The following TNKS variants were observed in gnomAD, a reference collection of about 807,000 sequenced individuals.
The protein encoded by TNKS is poly [ADP-ribose] polymerase tankyrase-1.
TNKS carries 72 observed loss-of-function variants against 135.8 expected under a neutral mutation model. The observed-to-expected ratio is 0.53, with a 90% confidence interval of 0.44 to 0.64. The LOEUF (loss-of-function observed/expected upper bound fraction) is 0.64. TNKS is among the 30% of genes least tolerant of loss of function. The pLI, the probability that TNKS is intolerant of heterozygous loss-of-function variation, is 0.00. For synonymous variants in TNKS, 849 were observed against 649.3 expected (o/e 1.31, Z -4.68); for missense variants, 1,769 against 1,674.0 (o/e 1.06, Z -0.99).
chr8:9,566,897 C>T (rs955347408), intron 1 of TNKS, among the ~76,000 whole-genome samples: 6 of 152,030 alleles, frequency 3.9e-5, no homozygotes, highest in African/African-American at 7.2e-5. Context: ...CGTGAGCCAC[C>T]GCGCCCGGCC....
At chr8:9,724,045 T>A (rs1226904569) in intron 12 of TNKS, among the ~76,000 whole-genome samples, 2 of 152,192 alleles carry the variant, frequency 1.3e-5, no homozygotes, top group African/African-American at 4.8e-5. Flanking sequence ...TTTTTAAAAA[T>A]AGGCTGCTTC....
intron 2 of TNKS, among the ~76,000 whole-genome samples, chr8:9,581,195 T>G (rs911187503): frequency 2.0e-5 from 3 of 152,218 alleles, no homozygotes; most frequent in Non-Finnish European, 4.4e-5. Context: ...TTAAAAGATA[T>G]AGTGGTGGTG....
intron 2 of TNKS, among the ~76,000 whole-genome samples, chr8:9,609,331 A>T (rs1473437264): frequency 6.6e-6 from 1 of 152,194 alleles, no homozygotes; most frequent in Non-Finnish European, 1.5e-5. Context: ...GGGCCACCTT[A>T]AATCAAATTC....
intron 3 of TNKS, among the ~76,000 whole-genome samples, chr8:9,630,935 C>A (rs1198889362): frequency 6.6e-6 from 1 of 152,036 alleles, no homozygotes; most frequent in Admixed American, 6.6e-5. Context: ...GTAAAGCCTC[C>A]TTTTTACTGT....
chr8:9,568,526 A>T (rs1438854971), intron 1 of TNKS, among the ~76,000 whole-genome samples: 1 of 152,218 alleles, frequency 6.6e-6, no homozygotes, highest in Non-Finnish European at 1.5e-5. Context: ...ATAAAATGAT[A>T]AACTCCATTA....
chr8:9,672,259 G>A (rs1334424242), intron 3 of TNKS, among the ~76,000 whole-genome samples: 1 of 152,114 alleles, frequency 6.6e-6, no homozygotes, highest in African/African-American at 2.4e-5. Flanking sequence ...GGTAGGTACC[G>A]TCCGCAGTTT....
chr8:9,680,564 AAT>A (rs1420977129), intron 4 of TNKS, among the ~76,000 whole-genome samples, 159 bp from the exon 5 acceptor site: 1 of 152,184 alleles, frequency 6.6e-6, no homozygotes, highest in African/African-American at 2.4e-5. Flanking sequence ...ATTAATTAGA[AAT>A]ATATTAATTG....
chr8:9,619,138 A>G (rs974995561), intron 3 of TNKS, among the ~76,000 whole-genome samples: 7 of 152,186 alleles, frequency 4.6e-5, no homozygotes, highest in African/African-American at 1.4e-4. Flanking sequence ...CTTAGCATCC[A>G]TGGACATGGT....
intron 3 of TNKS, among the ~76,000 whole-genome samples, chr8:9,675,888 G>A (rs1156652402): frequency 6.6e-6 from 1 of 152,070 alleles, no homozygotes; most frequent in East Asian, 1.9e-4. Flanking sequence ...TGAAATTGGG[G>A]TTGAGGTGAC....
rs1051519740 is a variant in TNKS, at chr8:9,778,728, T to C, written c.*1992T>C. On this transcript the variant is annotated 3_prime_UTR_variant, in exon 27 of 27. Coordinates refer to ENST00000310430, the MANE Select transcript of TNKS (RefSeq NM_003747.3). ...TTGCTGTAACAAAGGGTTGAAGAAA[T>C]TGCCATCTGTGTAGTTTTCAGTAGC... 1 of 152,524 alleles carries C rather than the reference T, an allele frequency of 6.6e-6. No homozygotes were observed. Among genetic ancestry groups the C allele is most frequent in the Non-Finnish European group, 1.5e-5 (1 of 68,044 alleles). The allele number at this position is 152,524 out of a possible 1,614,324, so 9.4% of individuals were successfully genotyped here.
chr8:9,685,112 A>G (rs1802934722), intron 5 of TNKS, among the ~76,000 whole-genome samples: 1 of 152,184 alleles, frequency 6.6e-6, no homozygotes, highest in Admixed American at 6.5e-5. Context: ...TTGCTTCCAA[A>G]TAGTTAATAA....
chr8:9,581,324 C>T (rs1410604602), intron 2 of TNKS, among the ~76,000 whole-genome samples: 1 of 152,110 alleles, frequency 6.6e-6, no homozygotes, highest in African/African-American at 2.4e-5. Context: ...AAAAAAATCA[C>T]ATTTTCTGTC....
chr8:9,750,667 A>T (rs1343933882), intron 18 of TNKS, among the ~76,000 whole-genome samples: 1 of 151,938 alleles, frequency 6.6e-6, no homozygotes, highest in Non-Finnish European at 1.5e-5. Flanking sequence ...CCAGCACCCC[A>T]CTTCCAGGTA....
At position 9,630,140 on chromosome 8, in the gene TNKS, T is replaced by C. The variant is rs76390705; in HGVS notation, c.994+14463T>C. ...GCAGTGATTTCATTTACTTACTGTT[T>C]TGTTTATTCATGGCCTGATTCCCAC... is the stretch of plus-strand genomic sequence containing the variant. On this transcript the variant is annotated intron_variant, in intron 3 of 26. Transcript: ENST00000310430. Among the ~76,000 whole-genome samples, 726 of 152,350 alleles carry C rather than the reference T, an allele frequency of 4.8e-3. 36 individuals are homozygous for C. In the East Asian group the frequency reaches 0.11, roughly 24 times the overall value.
chr8:9,707,037 G>A, intron 8 of TNKS, 40 bp downstream of exon 8: 2 of 1,483,000 alleles, frequency 1.3e-6, no homozygotes, highest in Admixed American at 2.6e-5. Flanking sequence ...GCATAAATTG[G>A]AATATTTAAT....
chr8:9,721,311 T>TATATATATATATATATAA (rs1412056948), intron 12 of TNKS, among the ~76,000 whole-genome samples: 2 of 145,132 alleles, frequency 1.4e-5, no homozygotes, highest in Non-Finnish European at 3.0e-5. Flanking sequence ...TATATATATA[T>TATATATATATATATATAA]AAAATTATAA....
chr8:9,730,450 T>G (rs1320971999), intron 13 of TNKS, among the ~76,000 whole-genome samples: 3 of 152,062 alleles, frequency 2.0e-5, no homozygotes, highest in Non-Finnish European at 4.4e-5. Context: ...TCCAGACCCT[T>G]TTTGCTTGCT....
chr8:9,586,043 T>A (rs1223040476), intron 2 of TNKS, among the ~76,000 whole-genome samples: 2 of 152,148 alleles, frequency 1.3e-5, no homozygotes, highest in Non-Finnish European at 2.9e-5. Context: ...GAAACACCCT[T>A]GTACAATAGC....
At position 9,622,575 on chromosome 8, in the gene TNKS, T is replaced by C. The variant is rs556822403; in HGVS notation, c.994+6898T>C. On this transcript the variant is annotated intron_variant, in intron 3 of 26. Transcript: ENST00000310430. ...TCCAGGATCAATGAGTGCTCTTATA[T>C]GTGCAGAATCAGACTTTTTACCTGT... 1.4e-4 allele frequency among the ~76,000 whole-genome samples: 21 copies of C among 152,342 alleles called. 1 individual carries two copies. The South Asian group carries it at 4.3e-3, about 32-fold the overall frequency.
Sources: gnomAD v4.1 joint callset for allele counts (sites outside exome capture counted in the v4.1 genomes callset) on GRCh38, gnomAD v4.1.1 for gene constraint, MANE v1.5 for transcripts, NCBI Gene and HGNC (gene_info 2026-07-23, HGNC 2026-07-21) for gene names.